EMSY: variants seen among roughly 807,000 people sequenced by gnomAD.
The protein encoded by EMSY is EMSY transcriptional repressor, BRCA2 interacting.
In EMSY, 26 loss-of-function variants were observed where a neutral mutation model predicts 134.6. That is an observed-to-expected ratio of 0.19 (90% CI 0.14 to 0.27). The LOEUF (loss-of-function observed/expected upper bound fraction) is 0.27. Among genes scored for constraint, EMSY ranks in the 10% least tolerant of loss-of-function variants. The pLI is 1.00. For missense variants in EMSY, 1,305 were observed against 1,611.4 expected, an observed-to-expected ratio of 0.81 and a Z score of 3.26; for synonymous variants, 579 against 577.8, an observed-to-expected ratio of 1.00 and a Z score of -0.03.
intron 9 of EMSY, among the ~76,000 whole-genome samples, chr11:76,500,279 T>C (rs895913374): frequency 4.6e-5 from 7 of 152,214 alleles, no homozygotes; most frequent in Non-Finnish European, 2.9e-5. Flanking sequence ...TGTTACTGGC[T>C]CAGAGACTTT....
intron 8 of EMSY, among the ~76,000 whole-genome samples, chr11:76,482,535 TTAGTTTAG>T (rs1949020861): frequency 6.6e-6 from 1 of 152,174 alleles, no homozygotes; most frequent in African/African-American, 2.4e-5. Context: ...ATTAGAATAA[TTAGTTTAG>T]AGAAAAACAT....
At chr11:76,523,263 ATGT>A (rs894562398) in exon 12 of EMSY, 5 of 1,613,286 alleles carry the variant, frequency 3.1e-6, no homozygotes, top group African/African-American at 1.3e-5. Flanking sequence ...CCGGGCAAAA[ATGT>A]TGTCACAACG....
intron 9 of EMSY, among the ~76,000 whole-genome samples, chr11:76,510,541 A>G (rs1047984382): frequency 3.9e-5 from 6 of 152,124 alleles, no homozygotes; most frequent in Non-Finnish European, 7.4e-5. Context: ...GGAGCAGCCA[A>G]AGGTCCTCAC....
chr11:76,519,291 C>T (rs1325381920), intron 11 of EMSY, among the ~76,000 whole-genome samples: 2 of 152,118 alleles, frequency 1.3e-5, no homozygotes, highest in African/African-American at 4.8e-5. Flanking sequence ...TGTCAAACTC[C>T]TGACCTCAGG....
chr11:76,494,795 A>C (rs1208901977), intron 8 of EMSY, among the ~76,000 whole-genome samples: 1 of 149,392 alleles, frequency 6.7e-6, no homozygotes, highest in Non-Finnish European at 1.5e-5. Context: ...GAGTGCAGTA[A>C]TGCCATCTCG....
Position 76,526,784 on chromosome 11 carries a change from T to C in EMSY, c.1995+149T>C, listed in dbSNP as rs1040467739. On this transcript the variant is annotated intron_variant, in intron 13 of 20. Coordinates refer to ENST00000334736, the Ensembl canonical transcript of EMSY. ...TTTGAATGTGTTAATTATTCAAGTA[T>C]TGTCAAAACTTCATTTATCTTTTCA... 4.9e-5 allele frequency: 38 copies of C among 770,382 alleles called. No homozygotes were observed. The African/African-American group carries it at 5.7e-4, about 12-fold the overall frequency. 47.7% of individuals were successfully genotyped at this position (770,382 alleles called of 1,614,324 possible).
chr11:76,510,706 C>T (rs1370666126), intron 9 of EMSY, among the ~76,000 whole-genome samples: 1 of 152,186 alleles, frequency 6.6e-6, no homozygotes, highest in Non-Finnish European at 1.5e-5. Flanking sequence ...CCATACTGCT[C>T]TTGCCCAGAA....
chr11:76,547,003 A>T (rs1370792190), intron 20 of EMSY: 1 of 441,418 alleles, frequency 2.3e-6, no homozygotes, highest in African/African-American at 2.0e-5. Context: ...TGATTCTAAA[A>T]ATCATCTCTT....
At chr11:76,502,860 CTTAAA>C (rs1363065712) in intron 9 of EMSY, among the ~76,000 whole-genome samples, 2 of 152,156 alleles carry the variant, frequency 1.3e-5, no homozygotes, top group Non-Finnish European at 2.9e-5. Context: ...GACAGTGCTC[CTTAAA>C]TTAATCTATA....
chr11:76,459,735 TG>T lies in EMSY; in HGVS notation c.422-198del. 5.7e-6 allele frequency: 3 copies of T among 525,136 alleles called. No individual in the cohort carries two copies. The East Asian group carries it at 8.7e-5, about 15-fold the overall frequency. 32.5% of individuals were successfully genotyped at this position (525,136 alleles called of 1,614,324 possible). A position where few individuals can be genotyped will look rare whatever the true frequency, so the allele number is the denominator to read the frequency against. On this transcript the variant is annotated intron_variant, in intron 5 of 20. Coordinates refer to ENST00000334736, the Ensembl canonical transcript of EMSY. ...ACCTGTAGACAAGCTGTTAAATACT[TG>T]GGAAAAATCTATTTAAGTGATAATT... is the stretch of plus-strand genomic sequence containing the variant.
chr11:76,523,704 C>CTTTTTTTTTTTTTT (rs746491659), intron 12 of EMSY, among the ~76,000 whole-genome samples: 1,705 of 80,496 alleles, frequency 0.021, 15 homozygotes, highest in Non-Finnish European at 0.026. Context: ...TTGTTACTTT[C>CTTTTTTTTTTTTTT]TTTTTTTTTT....
At chr11:76,544,526 C>G (rs1483956443) in exon 19 of EMSY, 1 of 1,614,036 alleles carries the variant, frequency 6.2e-7, no homozygotes, top group Non-Finnish European at 8.5e-7. Context: ...CAAACTCCCG[C>G]AAATGCCCCA....
chr11:76,527,674 A>G (rs1455033669), intron 13 of EMSY, among the ~76,000 whole-genome samples: 2 of 151,908 alleles, frequency 1.3e-5, no homozygotes, highest in Non-Finnish European at 2.9e-5. Context: ...TGCTTCTGAT[A>G]GTTGTCAAAT....
chr11:76,499,388 C>G (rs367978923), intron 9 of EMSY, among the ~76,000 whole-genome samples: 7 of 146,202 alleles, frequency 4.8e-5, no homozygotes, highest in Non-Finnish European at 9.0e-5. Context: ...TCTGGGTTCA[C>G]ACCATTCTCC....
At chr11:76,460,229 CTT>C in intron 6 of EMSY, 144 bp downstream of exon 7, 1 of 959,868 alleles carries the variant, frequency 1.0e-6, no homozygotes, top group Non-Finnish European at 1.6e-6. Context: ...GAATTCCTTT[CTT>C]TACATATGAC....
At chr11:76,446,511 G>A (rs2134666708) in intron 1 of EMSY, among the ~76,000 whole-genome samples, 1 of 152,178 alleles carries the variant, frequency 6.6e-6, no homozygotes, top group Admixed American at 6.5e-5. Flanking sequence ...CTTGCCCCAG[G>A]TTGGTAGTAC....
chr11:76,546,171 T>C lies in EMSY; in HGVS notation c.3648T>C (p.Thr1216=), dbSNP rs3753051. The C allele has an allele frequency of 0.3, 482,236 of 1,613,946 alleles. 74,573 individuals carry two copies. The highest frequency in any genetic ancestry group is 0.32 in the Non-Finnish European group (375,358 of 1,179,948). Residue 1216 remains threonine (T), a synonymous_variant, in exon 20 of 21, where the codon ACT becomes ACC. Transcript: ENST00000334736. ...GAGAGTCCTGTTCGAGTCCATCCAC[T>C]GTTGGCTCTTCCCTAACGACAAGGA...
At chr11:76,495,246 G>C (rs956638057) in intron 8 of EMSY, among the ~76,000 whole-genome samples, 5 of 152,224 alleles carry the variant, frequency 3.3e-5, no homozygotes, top group Non-Finnish European at 7.3e-5. Context: ...CTGTAATACA[G>C]TGTATTTGTC....
chr11:76,529,128 A>G (rs1008858614), intron 14 of EMSY, among the ~76,000 whole-genome samples: 1 of 152,212 alleles, frequency 6.6e-6, no homozygotes, highest in Non-Finnish European at 1.5e-5. Context: ...AAATAAACTC[A>G]TGATCATAAA....
Sources: allele counts gnomAD v4.1 joint callset (sites outside exome capture counted in the v4.1 genomes callset), GRCh38; gene constraint gnomAD v4.1.1; transcripts MANE v1.5; gene names NCBI Gene and HGNC (gene_info 2026-07-23, HGNC 2026-07-21).